CRIM1: variants seen among roughly 807,000 people sequenced by gnomAD.
The protein encoded by CRIM1 is cysteine-rich motor neuron 1 protein.
A neutral mutation model predicts 116.4 loss-of-function variants in CRIM1; 32 were observed. The ratio of observed to expected loss-of-function variants is 0.27; its 90% confidence interval spans 0.21 to 0.37. The LOEUF is 0.37. Ranked by LOEUF, CRIM1 falls within the 10% of genes least tolerant of loss-of-function variation. CRIM1 has a pLI of 1.00. For missense variants in CRIM1, 1,331 were observed against 1,354.8 expected (o/e 0.98, Z 0.28); for synonymous variants, 590 against 509.2 (o/e 1.16, Z -2.13).
At chr2:36,495,241 CT>C (rs1558368098) in intron 7 of CRIM1, among the ~76,000 whole-genome samples, 2 of 152,110 alleles carry the variant, frequency 1.3e-5, no homozygotes, top group African/African-American at 2.4e-5. Flanking sequence ...GCCATACCCC[CT>C]GTAACATAGG....
chr2:36,467,707 C>T (rs187859199), intron 5 of CRIM1, among the ~76,000 whole-genome samples: 8 of 152,276 alleles, frequency 5.3e-5, no homozygotes, highest in East Asian at 3.9e-4. Flanking sequence ...AAAGCACCCA[C>T]GGGTATACAG....
At chr2:36,358,182 T>C (rs1668985323) in intron 1 of CRIM1, among the ~76,000 whole-genome samples, 1 of 152,206 alleles carries the variant, frequency 6.6e-6, no homozygotes, top group South Asian at 2.1e-4. Context: ...CCTGGTATTG[T>C]CCCCTTTTAT....
chr2:36,509,422 G>A (rs1245862583), intron 8 of CRIM1, among the ~76,000 whole-genome samples: 1 of 152,206 alleles, frequency 6.6e-6, no homozygotes, highest in African/African-American at 2.4e-5. Context: ...AGATGCTTGG[G>A]AGGCTGAGGT....
At chr2:36,429,847 G>C (rs138602980) in intron 2 of CRIM1, among the ~76,000 whole-genome samples, 1 of 152,338 alleles carries the variant, frequency 6.6e-6, no homozygotes, top group Non-Finnish European at 1.5e-5. Context: ...GGTCTAAAGA[G>C]TGTTGGGAAG....
intron 7 of CRIM1, among the ~76,000 whole-genome samples, chr2:36,494,349 A>T (rs1389222692): frequency 6.6e-6 from 1 of 152,198 alleles, no homozygotes; most frequent in Non-Finnish European, 1.5e-5. Context: ...TTTCCTGGAA[A>T]TAATTTTACT....
At chr2:36,466,872 A>G (rs1373248050) in intron 5 of CRIM1, among the ~76,000 whole-genome samples, 1 of 152,104 alleles carries the variant, frequency 6.6e-6, no homozygotes, top group Non-Finnish European at 1.5e-5. Context: ...TAGTAGAAAG[A>G]TTTGCTGGTG....
In CRIM1 at chr2:36,513,162, A is replaced by T. The variant is rs1308567788; in HGVS notation, c.1781-394A>T. The T allele has an allele frequency of 7.8e-5, 17 of 216,604 alleles. No individual in the cohort carries two copies. The East Asian group carries it at 2.0e-3, about 25-fold the overall frequency. 13.4% of individuals were successfully genotyped at this position (216,604 alleles called of 1,614,324 possible). A position where few individuals can be genotyped will look rare whatever the true frequency, so the allele number is the denominator to read the frequency against. On this transcript the variant is annotated intron_variant, in intron 10 of 16. Transcript: ENST00000280527. Reference sequence around the variant, plus strand: ...TGCTTTAATTGTTCTGCTGAACAAAACTCTGTTATTTGCAAGGGGCCCAGG... The same window carrying T: ...TGCTTTAATTGTTCTGCTGAACAAATCTCTGTTATTTGCAAGGGGCCCAGG...
intron 16 of CRIM1, among the ~76,000 whole-genome samples, chr2:36,547,484 A>G (rs1667433949): frequency 6.6e-6 from 1 of 152,224 alleles, no homozygotes; most frequent in South Asian, 2.1e-4. Context: ...CATTGTTTAT[A>G]TTAGACATTA....
At chr2:36,483,941 A>C (rs964144986) in intron 7 of CRIM1, among the ~76,000 whole-genome samples, 2 of 152,146 alleles carry the variant, frequency 1.3e-5, no homozygotes, top group African/African-American at 4.8e-5. Flanking sequence ...ATCACTGAAA[A>C]CACATTTTGA....
chr2:36,495,588 G>C (rs1054020622), intron 7 of CRIM1, among the ~76,000 whole-genome samples: 1 of 148,312 alleles, frequency 6.7e-6, no homozygotes, highest in African/African-American at 2.5e-5. Context: ...TAAAAGCTAT[G>C]TTAAGAATCT....
At chr2:36,396,040 G>A (rs1008222094) in intron 1 of CRIM1, among the ~76,000 whole-genome samples, 1 of 152,080 alleles carries the variant, frequency 6.6e-6, no homozygotes, top group Non-Finnish European at 1.5e-5. Flanking sequence ...CCTGAGTGCT[G>A]GGACCACAGG....
At chr2:36,402,730 G>A (rs993666118) in intron 2 of CRIM1, among the ~76,000 whole-genome samples, 3 of 142,180 alleles carry the variant, frequency 2.1e-5, no homozygotes, top group Admixed American at 7.3e-5. Context: ...AGGTGCATTC[G>A]AGATACCATT....
chr2:36,445,377 T>C (rs986110052), intron 4 of CRIM1, among the ~76,000 whole-genome samples: 1 of 152,148 alleles, frequency 6.6e-6, no homozygotes, highest in South Asian at 2.1e-4. Context: ...CCATCTCTTT[T>C]CATATTGCTC....
At chr2:36,509,229 C>T (rs1251617923) in intron 8 of CRIM1, among the ~76,000 whole-genome samples, 1 of 152,042 alleles carries the variant, frequency 6.6e-6, no homozygotes. Context: ...TAAAAACATG[C>T]GTTATGGGAT....
At chr2:36,430,958 G>A (rs1386637923) in intron 2 of CRIM1, among the ~76,000 whole-genome samples, 1 of 152,178 alleles carries the variant, frequency 6.6e-6, no homozygotes, top group East Asian at 1.9e-4. Context: ...ATATAAGGCT[G>A]CTTCCTTCCT....
At chr2:36,419,456 A>G (rs1169307127) in intron 2 of CRIM1, among the ~76,000 whole-genome samples, 3 of 152,240 alleles carry the variant, frequency 2.0e-5, no homozygotes, top group African/African-American at 7.2e-5. Flanking sequence ...CGCTTGAAAT[A>G]GACTCATTGA....
chr2:36,419,981 G>T (rs1038263548), intron 2 of CRIM1, among the ~76,000 whole-genome samples: 2 of 152,102 alleles, frequency 1.3e-5, no homozygotes, highest in African/African-American at 4.8e-5. Flanking sequence ...CTTTAAAGTG[G>T]CATTCAGTTC....
chr2:36,473,257 C>T (rs1194040378), intron 5 of CRIM1, among the ~76,000 whole-genome samples: 2 of 152,120 alleles, frequency 1.3e-5, no homozygotes, highest in African/African-American at 4.8e-5. Context: ...GACAGAAGAG[C>T]CCTTGAAAGA....
In CRIM1 at chr2:36,477,052, G is replaced by C. The variant is rs762320233; in HGVS notation, c.1155G>C (p.Glu385Asp). ...AGAGGTACTACGTGCCCGAAGGAGA[G>C]TGCTGCCCAGTGTGTGAAGGTAAGA... is the stretch of plus-strand genomic sequence containing the variant. ...NCERYYVPEG[E>D]CCPVCEDPVY... The change falls in exon 6 of 17, where the codon GAG (glutamate) becomes GAC (aspartate). Residue 385 changes from glutamate to aspartate, a missense_variant. By Grantham distance (45) the Glu-to-Asp change is conservative (BLOSUM62 2). Coordinates refer to ENST00000280527, the MANE Select transcript of CRIM1 (RefSeq NM_016441.3). 2 of 1,612,554 alleles carry C rather than the reference G, an allele frequency of 1.2e-6. No homozygotes were observed. The highest frequency in any genetic ancestry group is 2.2e-5 in the South Asian group (2 of 90,840).
Sources: gnomAD v4.1 joint callset for allele counts (sites outside exome capture counted in the v4.1 genomes callset) on GRCh38, gnomAD v4.1.1 for gene constraint, MANE v1.5 for transcripts, NCBI Gene and HGNC (gene_info 2026-07-23, HGNC 2026-07-21) for gene names.